TBC1D2B: variants seen among roughly 807,000 people sequenced by gnomAD.
The protein encoded by TBC1D2B is TBC1 domain family, member 2B.
TBC1D2B carries 64 observed loss-of-function variants against 100.8 expected under a neutral mutation model. The ratio of observed to expected loss-of-function variants is 0.64; its 90% CI spans 0.52 to 0.78. TBC1D2B has a LOEUF of 0.78. Among genes scored for constraint, TBC1D2B ranks in the 30% least tolerant of loss-of-function variants. The probability of loss-of-function intolerance (pLI) is 0.00; values close to 1 mark genes in which losing one functional copy is unlikely to be tolerated. For missense variants in TBC1D2B, 1,052 were observed against 1,218.4 expected (o/e 0.86, Z 2.03); for synonymous variants, 480 against 479.7 (o/e 1.00, Z -0.01).
intron 3 of TBC1D2B, among the ~76,000 whole-genome samples, chr15:78,035,612 T>TG (rs936716245): frequency 2.0e-5 from 3 of 152,010 alleles, no homozygotes; most frequent in Admixed American, 1.3e-4. Flanking sequence ...GGAGGTTGTG[T>TG]GGGGGGGTTT....
chr15:78,035,168 G>A (rs1451732344), intron 3 of TBC1D2B, among the ~76,000 whole-genome samples: 1 of 152,186 alleles, frequency 6.6e-6, no homozygotes, highest in Admixed American at 6.5e-5. Flanking sequence ...CCACGAAGCA[G>A]CAAAACAGCA....
chr15:77,998,309 G>A lies in TBC1D2B; in HGVS notation c.2743C>T (p.Arg915Cys), dbSNP rs756278478. ...TAGGCGCGTCGGTTCCGGATCTGGCGTAGGGGGAAAGGGTTCAGGTCCCCA... is the reference window on the plus strand; with the variant it reads ...TAGGCGCGTCGGTTCCGGATCTGGCATAGGGGGAAAGGGTTCAGGTCCCCA... ...SFGDLNPFPL[R>C]QIRNRRAYHL... The change falls in exon 13 of 13, where the codon CGC becomes TGC. Residue 915 changes from arginine to cysteine, a missense_variant. This residue lies in a region of TBC1D2B where 47 missense variants were observed against 88.3 expected (regional missense o/e 0.53). Coordinates refer to ENST00000300584, the MANE Select transcript of TBC1D2B (RefSeq NM_144572.2). 20 of 1,602,936 alleles carry A rather than the reference G, an allele frequency of 1.2e-5. No individual in the cohort carries two copies. Among genetic ancestry groups the A allele is most frequent in the South Asian group, 4.5e-5 (4 of 88,804 alleles).
intron 12 of TBC1D2B, among the ~76,000 whole-genome samples, chr15:78,000,625 G>A (rs2071887377): frequency 6.6e-6 from 1 of 152,226 alleles, no homozygotes; most frequent in African/African-American, 2.4e-5. Flanking sequence ...TCTAAAAATA[G>A]CGACGACCTC....
chr15:78,019,485 TCAAGTACTTGTCACGTCATGACAAGTA>T, intron 6 of TBC1D2B, among the ~76,000 whole-genome samples: 1 of 152,176 alleles, frequency 6.6e-6, no homozygotes, highest in Admixed American at 6.5e-5. Context: ...CTGAGCACAT[TCAAGTACTTGTCACGTCATGACAAGTA>T]CTTGAAATGT....
At chr15:78,072,647 A>G (rs2073758183) in intron 1 of TBC1D2B, among the ~76,000 whole-genome samples, 1 of 152,236 alleles carries the variant, frequency 6.6e-6, no homozygotes. Flanking sequence ...ATGTCTATTT[A>G]GCACCAAGCA....
chr15:78,019,087 T>G (rs1440947026), intron 6 of TBC1D2B, among the ~76,000 whole-genome samples: 1 of 151,988 alleles, frequency 6.6e-6, no homozygotes, highest in African/African-American at 2.4e-5. Flanking sequence ...AGCAGGAGAC[T>G]GCTGCCGCTC....
chr15:78,008,831 C>T (rs2072144588), intron 10 of TBC1D2B, among the ~76,000 whole-genome samples, 166 bp downstream of exon 10: 1 of 152,196 alleles, frequency 6.6e-6, no homozygotes, highest in Non-Finnish European at 1.5e-5. Flanking sequence ...AAACAGCAGG[C>T]CATGACTGGG....
intron 3 of TBC1D2B, among the ~76,000 whole-genome samples, chr15:78,033,267 C>T (rs2072861948): frequency 2.0e-5 from 3 of 152,158 alleles, no homozygotes; most frequent in Non-Finnish European, 2.9e-5. Flanking sequence ...CTTACTTATA[C>T]GCACACACAT....
chr15:77,998,187 C>G lies in TBC1D2B; in HGVS notation c.2865G>C (p.Leu955=). The G allele has an allele frequency of 1.9e-6, 3 of 1,552,482 alleles. No homozygotes were observed. Among genetic ancestry groups the G allele is most frequent in the Middle Eastern group, 1.7e-4 (1 of 5,976 alleles). Residue 955 remains leucine, a synonymous_variant, in exon 13 of 13, where the codon CTG becomes CTC. Coordinates refer to ENST00000300584, the MANE Select transcript of TBC1D2B (RefSeq NM_144572.2). ...ERDTSPDKGE[L]VSDEEEDT ...AGGTATCCTCCTCCTCGTCACTGAC[C>G]AGCTCACCCTTGTCAGGGCTGGTGT... is the stretch of plus-strand genomic sequence containing the variant.
At chr15:78,001,564 G>A (rs2071913565) in intron 12 of TBC1D2B, 55 bp downstream of exon 12, 2 of 1,553,844 alleles carry the variant, frequency 1.3e-6, no homozygotes, top group Non-Finnish European at 8.7e-7. Context: ...CTCTCAAGGA[G>A]GCAGGGGTCA....
At chr15:78,061,589 A>G (rs1306915090) in intron 1 of TBC1D2B, among the ~76,000 whole-genome samples, 1 of 146,652 alleles carries the variant, frequency 6.8e-6, no homozygotes, top group African/African-American at 2.5e-5. Flanking sequence ...TATATATATA[A>G]TTTATATATA....
At chr15:78,002,329 C>T (rs963076594) in intron 11 of TBC1D2B, among the ~76,000 whole-genome samples, 3 of 152,098 alleles carry the variant, frequency 2.0e-5, no homozygotes, top group Non-Finnish European at 2.9e-5. Flanking sequence ...GGACTACAGG[C>T]GCCCGCCACC....
chr15:78,067,578 G>A (rs2073678852), intron 1 of TBC1D2B, among the ~76,000 whole-genome samples: 1 of 152,212 alleles, frequency 6.6e-6, no homozygotes, highest in African/African-American at 2.4e-5. Flanking sequence ...CCCACCTCCA[G>A]GCCACGGCCA....
chr15:78,013,122 GT>G lies in TBC1D2B; in HGVS notation c.1970del (p.Asn657ThrfsTer99). 1 of 1,613,986 alleles carries G rather than the reference GT, an allele frequency of 6.2e-7. No individual in the cohort carries two copies. Among genetic ancestry groups the G allele is most frequent in the Non-Finnish European group, 8.5e-7 (1 of 1,179,880 alleles). On this transcript the variant is annotated frameshift_variant, in exon 9 of 13. Transcript: ENST00000300584. LOFTEE classifies it high-confidence loss of function. The part of the protein sequence containing the change: ...REMMCSPELK[N>X]LIRAGIPHEH... ...CGTGGGGAATGCCCGCACGGATGAG[GT>G]TTTTTAACTCTGGAGAGCACATCAT...
intron 12 of TBC1D2B, 123 bp downstream of exon 12, chr15:78,001,496 C>T (rs968399688): frequency 1.7e-6 from 2 of 1,203,012 alleles, no homozygotes; most frequent in South Asian, 2.1e-5. Flanking sequence ...AAGCAATGCC[C>T]TCTCCAACAC....
chr15:78,029,926 G>T, intron 4 of TBC1D2B, 81 bp downstream of exon 4: 1 of 1,200,478 alleles, frequency 8.3e-7, no homozygotes, highest in South Asian at 2.0e-5. Flanking sequence ...CGAAATACCT[G>T]CTAATAATGT....
intron 3 of TBC1D2B, among the ~76,000 whole-genome samples, chr15:78,043,707 C>T (rs2073136083): frequency 1.3e-5 from 2 of 152,198 alleles, no homozygotes; most frequent in Non-Finnish European, 2.9e-5. Context: ...AAGGTATGCA[C>T]GGTGCCATTT....
intron 6 of TBC1D2B, 136 bp from the exon 7 acceptor site, chr15:78,018,093 A>G (rs2072422890): frequency 4.0e-6 from 2 of 494,096 alleles, no homozygotes; most frequent in Non-Finnish European, 3.5e-6. Flanking sequence ...AAGAACTAGA[A>G]GTTGTTAAAA....
At chr15:78,018,030 G>A (rs1224188132) in intron 6 of TBC1D2B, 73 bp from the exon 7 acceptor site, 1 of 754,892 alleles carries the variant, frequency 1.3e-6, no homozygotes, top group East Asian at 2.9e-5. Context: ...TATGTAGTCA[G>A]TAGCTTGCTG....
Sources: gnomAD v4.1 joint callset for allele counts (sites outside exome capture counted in the v4.1 genomes callset) on GRCh38, gnomAD v4.1.1 for gene constraint, gnomAD v4.1.1 regional missense constraint, MANE v1.5 for transcripts, NCBI Gene and HGNC (gene_info 2026-07-23, HGNC 2026-07-21) for gene names.